Variants in PCSK5 observed in about 807,000 individuals in gnomAD.
The protein encoded by PCSK5 is proprotein convertase subtilisin/kexin type 5.
In PCSK5, 129 loss-of-function variants were observed where a neutral mutation model predicts 233.2. The observed-to-expected ratio is 0.55, with a 90% CI of 0.48 to 0.64. PCSK5 has a LOEUF of 0.64. PCSK5 is among the 30% of genes least tolerant of loss of function. The probability of loss-of-function intolerance (pLI) is 0.00; values close to 1 mark genes in which losing one functional copy is unlikely to be tolerated. For synonymous variants in PCSK5, 825 were observed against 879.2 expected, an observed-to-expected ratio of 0.94 and a Z score of 1.09; for missense variants, 2,076 against 2,430.1, an observed-to-expected ratio of 0.85 and a Z score of 3.06.
At chr9:76,015,757 T>C (rs1159045448) in intron 3 of PCSK5, among the ~76,000 whole-genome samples, 2 of 152,238 alleles carry the variant, frequency 1.3e-5, no homozygotes, top group African/African-American at 4.8e-5. Flanking sequence ...TTCAACTTGA[T>C]GCACGGATTT....
In PCSK5 at chr9:76,076,955, A is replaced by T. The variant is rs536541162; in HGVS notation, c.894+5057A>T. On this transcript the variant is annotated intron_variant, in intron 7 of 37. Coordinates refer to ENST00000674117, the MANE Select transcript of PCSK5 (RefSeq NM_001372043.1). Reference sequence around the variant, plus strand: ...TATTTAACATTTTACCCAGTTTATTATACTATAGTCATCTTCTGGGACTTA... The same window carrying T: ...TATTTAACATTTTACCCAGTTTATTTTACTATAGTCATCTTCTGGGACTTA... Among the ~76,000 whole-genome samples, 12 of 152,336 alleles carry T rather than the reference A, an allele frequency of 7.9e-5. No individual in the cohort carries two copies. The East Asian group carries it at 2.3e-3, about 29-fold the overall frequency.
At chr9:76,151,019 A>C (rs1005993294) in intron 10 of PCSK5, among the ~76,000 whole-genome samples, 13 of 151,996 alleles carry the variant, frequency 8.6e-5, no homozygotes, top group African/African-American at 3.1e-4. Flanking sequence ...AAAAAAAAAA[A>C]AAAACTATAC....
At chr9:76,191,396 G>A (rs1824369624) in intron 20 of PCSK5, among the ~76,000 whole-genome samples, 1 of 152,094 alleles carries the variant, frequency 6.6e-6, no homozygotes, top group African/African-American at 2.4e-5. Context: ...CCAGGCCTTG[G>A]GCAGGTTATG....
In PCSK5 at chr9:76,126,932, T is replaced by C. The variant is rs77995548; in HGVS notation, c.1209-7177T>C. 6.5e-3 allele frequency among the ~76,000 whole-genome samples: 993 copies of C among 152,300 alleles called. 12 individuals carry two copies. The highest frequency in any genetic ancestry group is 6.9e-3 in the Non-Finnish European group (472 of 68,026). ...AAAATTACACTTGTACCCCATAAGTTTATACAAATTTTTCTTTAAAAATGG... is the reference window on the plus strand; with the variant it reads ...AAAATTACACTTGTACCCCATAAGTCTATACAAATTTTTCTTTAAAAATGG... On this transcript the variant is annotated intron_variant, in intron 9 of 37. Transcript: ENST00000674117.
Position 75,902,882 on chromosome 9 carries a change from T to C in PCSK5, c.192+11509T>C, listed in dbSNP as rs1222873625. Among the ~76,000 whole-genome samples the C allele has an allele frequency of 2.0e-5, 3 of 152,180 alleles. No individual in the cohort carries two copies. The East Asian group carries it at 5.8e-4, about 29-fold the overall frequency. ...CATGGATGATTGCTTTCAACTCCCA[T>C]ATTTGGTTTAAAAACTGAAGATCGT... On this transcript the variant is annotated intron_variant, in intron 1 of 37. Transcript: ENST00000674117.
At chr9:76,057,748 A>G (rs1056385051) in intron 5 of PCSK5, among the ~76,000 whole-genome samples, 3 of 151,804 alleles carry the variant, frequency 2.0e-5, no homozygotes, top group Non-Finnish European at 4.4e-5. Flanking sequence ...TAGCTCTTCC[A>G]TATTTTAATA....
intron 20 of PCSK5, among the ~76,000 whole-genome samples, chr9:76,201,941 C>G (rs545185856): frequency 6.6e-6 from 1 of 152,298 alleles, no homozygotes; most frequent in Admixed American, 6.5e-5. Flanking sequence ...AATACAAATT[C>G]TGTGAGCTCC....
chr9:76,167,310 C>A (rs972394137), intron 12 of PCSK5, among the ~76,000 whole-genome samples: 1 of 152,200 alleles, frequency 6.6e-6, no homozygotes. Context: ...CAGTTAACCC[C>A]ATTATGGAAA....
chr9:76,314,387 A>T (rs1564174123), intron 30 of PCSK5, among the ~76,000 whole-genome samples: 1 of 151,830 alleles, frequency 6.6e-6, no homozygotes, highest in Non-Finnish European at 1.5e-5. Context: ...TTAAACACAC[A>T]CAAAAAAAGA....
Position 75,990,580 on chromosome 9 carries a change from A to G in PCSK5, c.411+4335A>G, listed in dbSNP as rs139621981. Among the ~76,000 whole-genome samples, 17 of 152,264 alleles carry G rather than the reference A, an allele frequency of 1.1e-4. No homozygotes were observed. The South Asian group carries it at 3.3e-3, about 30-fold the overall frequency. Reference sequence around the variant, plus strand: ...GCATTGACAAGCTTCTTCTGCATCTATTATTTGCTAGACATGATGCTAAGC... The same window carrying G: ...GCATTGACAAGCTTCTTCTGCATCTGTTATTTGCTAGACATGATGCTAAGC... On this transcript the variant is annotated intron_variant, in intron 3 of 37. Coordinates refer to ENST00000674117, the MANE Select transcript of PCSK5 (RefSeq NM_001372043.1).
chr9:76,125,717 C>G (rs1832822905), intron 9 of PCSK5, among the ~76,000 whole-genome samples: 1 of 152,114 alleles, frequency 6.6e-6, no homozygotes, highest in African/African-American at 2.4e-5. Flanking sequence ...AAAAAATCCA[C>G]AAGTTAGCAG....
rs578153770 is a variant in PCSK5, at chr9:75,939,571, C to T, written c.297+7088C>T. Among the ~76,000 whole-genome samples the T allele has an allele frequency of 3.9e-5, 6 of 152,124 alleles. No individual in the cohort carries two copies. The South Asian group carries it at 8.3e-4, about 21-fold the overall frequency. On this transcript the variant is annotated intron_variant, in intron 2 of 37. Transcript: ENST00000674117. ...AGTTGGAAGGGTGTGAGGGGGAGTG[C>T]GGAGAAGATCATTTTCTTTCATTTT... is the stretch of plus-strand genomic sequence containing the variant.
intron 8 of PCSK5, among the ~76,000 whole-genome samples, chr9:76,104,282 T>G (rs1181522568): frequency 2.0e-5 from 3 of 152,186 alleles, no homozygotes; most frequent in African/African-American, 2.4e-5. Flanking sequence ...AGCTGGAATT[T>G]CCATTTCAAG....
chr9:76,227,524 G>A lies in PCSK5; in HGVS notation c.2648G>A (p.Gly883Asp). Residue 883 changes from glycine to aspartate, a missense_variant, in exon 21 of 38, where the codon GGC becomes GAC. Gly to Asp is a moderately conservative substitution (Grantham distance 94). Around this residue, in one of 6 missense-constraint regions of PCSK5, gnomAD observed 1,510 missense variants for 1,538.1 expected, o/e 0.98. Transcript: ENST00000674117. ...CKDGEYVDEH[G>D]HCQTCEASCA... ...CCAGGAGAATATGTTGATGAGCATGGCCACTGCCAGACCTGTGAGGCCTCA... is the reference window on the plus strand; with the variant it reads ...CCAGGAGAATATGTTGATGAGCATGACCACTGCCAGACCTGTGAGGCCTCA... 2 of 1,611,464 alleles carry A rather than the reference G, an allele frequency of 1.2e-6. No individual in the cohort carries two copies. The highest frequency in any genetic ancestry group is 8.5e-7 in the Non-Finnish European group (1 of 1,179,018).
intron 9 of PCSK5, among the ~76,000 whole-genome samples, chr9:76,122,514 T>C (rs2131718872): frequency 6.6e-6 from 1 of 152,300 alleles, no homozygotes; most frequent in Non-Finnish European, 1.5e-5. Context: ...TTGACCTTTT[T>C]TTCACTACAT....
chr9:76,016,084 CT>C (rs1827936199), intron 3 of PCSK5, among the ~76,000 whole-genome samples: 1 of 152,228 alleles, frequency 6.6e-6, no homozygotes, highest in Non-Finnish European at 1.5e-5. Flanking sequence ...CAAGAAAGTT[CT>C]CTTAGCCTTC....
intron 2 of PCSK5, among the ~76,000 whole-genome samples, chr9:75,978,974 G>A (rs1826153475): frequency 6.7e-6 from 1 of 150,056 alleles, no homozygotes; most frequent in South Asian, 2.1e-4. Context: ...CCGGGTTCAA[G>A]CGATTCCTCT....
chr9:76,269,702 T>C (rs1046433537), intron 24 of PCSK5, among the ~76,000 whole-genome samples: 1 of 152,206 alleles, frequency 6.6e-6, no homozygotes, highest in Non-Finnish European at 1.5e-5. Context: ...TAGTATTCCA[T>C]AGAAGCCATC....
intron 12 of PCSK5, among the ~76,000 whole-genome samples, chr9:76,168,790 G>A (rs1823199277): frequency 6.6e-6 from 1 of 152,074 alleles, no homozygotes; most frequent in African/African-American, 2.4e-5. Flanking sequence ...AATCTGTGTT[G>A]CTGTATAGCC....
Sources: allele counts gnomAD v4.1 joint callset (sites outside exome capture counted in the v4.1 genomes callset), GRCh38; gene constraint gnomAD v4.1.1; regional missense constraint gnomAD v4.1.1; transcripts MANE v1.5; gene names NCBI Gene and HGNC (gene_info 2026-07-23, HGNC 2026-07-21).